Variants in DUS4L observed in about 807,000 individuals in gnomAD.
DUS4L encodes dihydrouridine synthase 4 like.
In DUS4L, 31 loss-of-function variants were observed where a neutral mutation model predicts 33.8. The ratio of observed to expected loss-of-function variants is 0.92; its 90% CI spans 0.69 to 1.24. The LOEUF (loss-of-function observed/expected upper bound fraction) is 1.24, where lower values mean the gene tolerates loss of function less well. DUS4L is among the 50% of genes most tolerant of loss of function. DUS4L has a pLI of 0.00. For missense variants in DUS4L, 368 were observed against 388.6 expected, an observed-to-expected ratio of 0.95 and a Z score of 0.45; for synonymous variants, 103 against 120.3, an observed-to-expected ratio of 0.86 and a Z score of 0.94.
In DUS4L at chr7:107,564,181, G is replaced by A. The variant is rs889729972; in HGVS notation, c.-139G>A. ...AGCAGCTCAGGGCCGCGCCCCCTGG[G>A]CTGGCGTCGTGCCCTAGCCAAGGAG... On this transcript the variant is annotated 5_prime_UTR_variant, in exon 1 of 8. Transcript: ENST00000265720. 3.2e-6 allele frequency: 2 copies of A among 620,492 alleles called. No individual in the cohort carries two copies. The highest frequency in any genetic ancestry group is 3.7e-5 in the African/African-American group (2 of 53,934). The allele number at this position is 620,492 out of a possible 1,614,324, so 38.4% of individuals were successfully genotyped here. A position where few individuals can be genotyped will look rare whatever the true frequency, so the allele number is the denominator to read the frequency against.
At chr7:107,570,754 G>C (rs541924342) in intron 3 of DUS4L, 79 of 219,216 alleles carry the variant, frequency 3.6e-4, no homozygotes, top group Non-Finnish European at 6.4e-4. Context: ...TACTAGGTCA[G>C]ACAGAACATT....
In DUS4L at chr7:107,576,518, T is replaced by C. The variant is rs751448976; in HGVS notation, c.632T>C (p.Ile211Thr). 1.2e-6 allele frequency: 2 copies of C among 1,608,326 alleles called. No homozygotes were observed. Among genetic ancestry groups the C allele is most frequent in the South Asian group, 2.2e-5 (2 of 89,462 alleles). Reference sequence around the variant, plus strand: ...AAAATAATTAAGGAAAATATGTCTATACCTGTAATTGCTAATGGAGACATC... The same window carrying C: ...AAAATAATTAAGGAAAATATGTCTACACCTGTAATTGCTAATGGAGACATC... ...SIKIIKENMS[I>T]PVIANGDIRS... is the part of the protein sequence containing the mutation. Residue 211 changes from isoleucine to threonine, a missense_variant, in exon 7 of 8, where the codon ATA becomes ACA. Physicochemically the swap from Ile to Thr is moderately conservative, Grantham distance 89. Coordinates refer to ENST00000265720, the MANE Select transcript of DUS4L (RefSeq NM_181581.3).
Position 107,577,577 on chromosome 7 carries a change from A to T in DUS4L, c.*17A>T, listed in dbSNP as rs1295598520. On this transcript the variant is annotated 3_prime_UTR_variant, in exon 8 of 8. Coordinates refer to ENST00000265720, the MANE Select transcript of DUS4L (RefSeq NM_181581.3). ...GGCATTTGACTAGACTTCCCAAATA[A>T]TTTTAATATATACTTTTAGACCCAC... is the stretch of plus-strand genomic sequence containing the variant. 1 of 1,606,060 alleles carries T rather than the reference A, an allele frequency of 6.2e-7. No individual in the cohort carries two copies. The highest frequency in any genetic ancestry group is 1.1e-5 in the South Asian group (1 of 90,500).
chr7:107,567,173 G>A lies in DUS4L; in HGVS notation c.103G>A (p.Val35Ile). The change falls in exon 3 of 8, where the codon GTT (valine) becomes ATT (isoleucine). Residue 35 changes from valine (V) to isoleucine (I), a missense_variant. Physicochemically the swap from Val to Ile is conservative, Grantham distance 29 (BLOSUM62 3). Coordinates refer to ENST00000265720, the MANE Select transcript of DUS4L (RefSeq NM_181581.3). ...GQLVKVCAPMVRYSKLAFRTL... is the reference protein window; with the variant it reads ...GQLVKVCAPMIRYSKLAFRTL... ...GCTGGTAAAAGTCTGTGCCCCAATG[G>A]TTCGATATTCAAAGTAAGTGTTGCA... 6.2e-7 allele frequency: 1 copy of A among 1,612,216 alleles called. No individual in the cohort carries two copies.
chr7:107,576,367 A>G lies in DUS4L; in HGVS notation c.481A>G (p.Ile161Val). ...ATAAATGTAATTTTGAAATTGTAGGATCCATGATGACCTTAAAAGAACTGT... is the reference window on the plus strand; with the variant it reads ...ATAAATGTAATTTTGAAATTGTAGGGTCCATGATGACCTTAAAAGAACTGT... ...PGFSVSIKIR[I>V]HDDLKRTVDL... Residue 161 changes from isoleucine to valine, a missense_variant and splice_region_variant, in exon 7 of 8, where the codon ATC (isoleucine) becomes GTC (valine). Ile to Val is a conservative substitution (Grantham distance 29). Transcript: ENST00000265720. 1.2e-6 allele frequency: 2 copies of G among 1,604,084 alleles called. No individual in the cohort carries two copies. The highest frequency in any genetic ancestry group is 1.7e-6 in the Non-Finnish European group (2 of 1,177,666).
rs1805493165 is a variant in DUS4L, at chr7:107,573,874, T to G, written c.356+53T>G. 7 of 1,430,536 alleles carry G rather than the reference T, an allele frequency of 4.9e-6. No individual in the cohort carries two copies. The South Asian group carries it at 1.2e-4, about 24-fold the overall frequency. 88.6% of individuals were successfully genotyped at this position (1,430,536 alleles called of 1,614,324 possible). ...TTCCAAAAGAGTAGAAAAAAAACTG[T>G]GTGAACATGGTAAAATATCTTTCTA... On this transcript the variant is annotated intron_variant, in intron 5 of 7. Transcript: ENST00000265720.
chr7:107,564,894 G>A (rs796497423), intron 2 of DUS4L, among the ~76,000 whole-genome samples: 13 of 152,242 alleles, frequency 8.5e-5, no homozygotes, highest in African/African-American at 3.1e-4. Flanking sequence ...CCAGAGCTAC[G>A]TGGTTTTCTA....
intron 2 of DUS4L, 83 bp from the exon 3 acceptor site, chr7:107,566,967 T>C: frequency 1.0e-6 from 1 of 960,042 alleles, no homozygotes; most frequent in Non-Finnish European, 1.5e-6. Context: ...AAAAAATATA[T>C]GTTGTTGGCA....
At chr7:107,573,439 C>T (rs1805443690) in intron 4 of DUS4L, among the ~76,000 whole-genome samples, 1 of 152,184 alleles carries the variant, frequency 6.6e-6, no homozygotes, top group South Asian at 2.1e-4. Context: ...AACTAATTCT[C>T]ACCTTTGAGA....
intron 3 of DUS4L, among the ~76,000 whole-genome samples, chr7:107,568,525 C>T (rs531386646): frequency 7.0e-4 from 107 of 152,064 alleles, no homozygotes; most frequent in South Asian, 1.2e-3. Flanking sequence ...GTGCTTTTGT[C>T]CATTTGTTTG....
chr7:107,573,917 A>C, intron 5 of DUS4L, 96 bp downstream of exon 5: 1 of 1,382,420 alleles, frequency 7.2e-7, no homozygotes, highest in African/African-American at 1.5e-5. Context: ...AAAAATTAAA[A>C]AGAAAATAGA....
Position 107,567,177 on chromosome 7 carries a change from G to A in DUS4L, c.107G>A (p.Arg36Gln), listed in dbSNP as rs770479604. ...QLVKVCAPMV[R>Q]YSKLAFRTLV... ...GTAAAAGTCTGTGCCCCAATGGTTC[G>A]ATATTCAAAGTAAGTGTTGCAAAAT... Residue 36 changes from arginine to glutamine, a missense_variant, in exon 3 of 8, where the codon CGA (arginine) becomes CAA (glutamine). By Grantham distance (43) the Arg-to-Gln change is conservative. Transcript: ENST00000265720. 11 of 1,611,384 alleles carry A rather than the reference G, an allele frequency of 6.8e-6. No homozygotes were observed. Among genetic ancestry groups the A allele is most frequent in the Middle Eastern group, 1.7e-4 (1 of 6,052 alleles).
At chr7:107,577,237 G>A in intron 7 of DUS4L, 76 bp from the exon 8 acceptor site, 2 of 1,565,454 alleles carry the variant, frequency 1.3e-6, no homozygotes, top group South Asian at 1.2e-5. Flanking sequence ...AAAATATACT[G>A]TTTGCTTCAT....
chr7:107,564,171 C>G lies in DUS4L; in HGVS notation c.-149C>G. On this transcript the variant is annotated 5_prime_UTR_variant, in exon 1 of 8. Transcript: ENST00000265720. ...TGTCTCTCGCAGCAGCTCAGGGCCGCGCCCCCTGGGCTGGCGTCGTGCCCT... is the reference window on the plus strand; with the variant it reads ...TGTCTCTCGCAGCAGCTCAGGGCCGGGCCCCCTGGGCTGGCGTCGTGCCCT... 6.2e-6 allele frequency: 4 copies of G among 647,124 alleles called. No homozygotes were observed. 40.1% of individuals were successfully genotyped at this position (647,124 alleles called of 1,614,324 possible).
At chr7:107,572,276 A>G (rs1640501377) in intron 4 of DUS4L, among the ~76,000 whole-genome samples, 1 of 152,188 alleles carries the variant, frequency 6.6e-6, no homozygotes, top group African/African-American at 2.4e-5. Context: ...CTTGAGTTAC[A>G]AAAGGGAAAG....
At chr7:107,565,251 C>T (rs1300791597) in intron 2 of DUS4L, among the ~76,000 whole-genome samples, 1 of 152,156 alleles carries the variant, frequency 6.6e-6, no homozygotes, top group Non-Finnish European at 1.5e-5. Flanking sequence ...ACATAAGACT[C>T]AATCCATATT....
At chr7:107,574,001 G>C in intron 5 of DUS4L, 180 bp downstream of exon 5, 2 of 947,422 alleles carry the variant, frequency 2.1e-6, no homozygotes, top group Non-Finnish European at 2.8e-6. Flanking sequence ...AAATTCAAAG[G>C]TCTTTTCTGA....
chr7:107,572,753 G>A (rs1805367636), intron 4 of DUS4L, among the ~76,000 whole-genome samples: 1 of 151,900 alleles, frequency 6.6e-6, no homozygotes, highest in Admixed American at 6.6e-5. Flanking sequence ...GGGAGACTGA[G>A]CCGGAGAATC....
chr7:107,569,516 A>C (rs1805009492), intron 3 of DUS4L, among the ~76,000 whole-genome samples: 2 of 152,194 alleles, frequency 1.3e-5, no homozygotes, highest in South Asian at 4.1e-4. Context: ...CCTATACCTC[A>C]ACTTGGGAAG....
Sources: gnomAD v4.1 joint callset for allele counts (sites outside exome capture counted in the v4.1 genomes callset) on GRCh38, gnomAD v4.1.1 for gene constraint, MANE v1.5 for transcripts, NCBI Gene and HGNC (gene_info 2026-07-23, HGNC 2026-07-21) for gene names.